The following MEGF11 variants were observed in gnomAD, a reference collection of about 807,000 sequenced individuals.
MEGF11 encodes multiple epidermal growth factor-like domains protein 11.
A neutral mutation model predicts 146.6 loss-of-function variants in MEGF11; 126 were observed. That is an observed-to-expected ratio of 0.86 (90% confidence interval 0.74 to 1.00). MEGF11 has a LOEUF of 1.00. Among genes scored for constraint, MEGF11 ranks in the 50% least tolerant of loss-of-function variants. The pLI, the probability that MEGF11 is intolerant of heterozygous loss-of-function variation, is 0.00. For missense variants in MEGF11, 1,509 were observed against 1,521.2 expected, an observed-to-expected ratio of 0.99 and a Z score of 0.13; for synonymous variants, 532 against 583.4, an observed-to-expected ratio of 0.91 and a Z score of 1.27.
intron 5 of MEGF11, among the ~76,000 whole-genome samples, chr15:66,060,351 C>T (rs887867311): frequency 3.9e-5 from 6 of 152,320 alleles, no homozygotes; most frequent in Non-Finnish European, 2.9e-5. Context: ...AACTCCTTTC[C>T]ATGCCCTTGA....
At chr15:65,928,165 C>T (rs994188727) in intron 13 of MEGF11, among the ~76,000 whole-genome samples, 8 of 152,182 alleles carry the variant, frequency 5.3e-5, no homozygotes, top group African/African-American at 1.9e-4. Flanking sequence ...AGATTGAGCA[C>T]TTACACCAAC....
intron 1 of MEGF11, among the ~76,000 whole-genome samples, chr15:66,223,347 G>A (rs891541276): frequency 2.6e-5 from 4 of 152,054 alleles, no homozygotes; most frequent in African/African-American, 9.7e-5. Context: ...AGGGGAAATG[G>A]GGAGTGACTG....
chr15:65,992,991 C>T (rs1372263125), intron 5 of MEGF11, among the ~76,000 whole-genome samples: 1 of 152,092 alleles, frequency 6.6e-6, no homozygotes, highest in African/African-American at 2.4e-5. Context: ...GTATTGACAC[C>T]CAGAGAGCCA....
intron 20 of MEGF11, chr15:65,912,401 C>G (rs1002644954): frequency 5.7e-5 from 21 of 367,538 alleles, no homozygotes; most frequent in Non-Finnish European, 1.0e-4. Flanking sequence ...TTACGCTGGT[C>G]CTCCCTGCAG....
intron 5 of MEGF11, among the ~76,000 whole-genome samples, chr15:66,066,651 G>C (rs546992919): frequency 6.6e-6 from 1 of 152,168 alleles, no homozygotes; most frequent in African/African-American, 2.4e-5. Flanking sequence ...CCACGGCTGC[G>C]AGTCCCTGCC....
In MEGF11 at chr15:65,902,619, CT is replaced by C. The variant is rs2078522271; in HGVS notation, c.3055+3465del. ...TCCTCATCCTTTCATAGCCCCACCC[CT>C]GTCCCAGTCCCAGCCCTTCAGGGCA... On this transcript the variant is annotated intron_variant, in intron 24 of 25. Transcript: ENST00000395614. 1.3e-5 allele frequency: 2 copies of C among 152,252 alleles called. 1 individual carries two copies. The allele number at this position is 152,252 out of a possible 1,614,324, so 9.4% of individuals were successfully genotyped here.
chr15:66,239,539 C>T (rs538562788), intron 1 of MEGF11, among the ~76,000 whole-genome samples: 106 of 152,314 alleles, frequency 7.0e-4, no homozygotes, highest in African/African-American at 2.4e-3. Context: ...TGCTTGGCCC[C>T]ACCTGCCTCC....
intron 4 of MEGF11, among the ~76,000 whole-genome samples, chr15:66,100,788 G>A (rs954356638): frequency 2.9e-5 from 4 of 139,162 alleles, no homozygotes; most frequent in African/African-American, 7.9e-5. Flanking sequence ...TCCTTCTTTC[G>A]TGGTACCAAC....
Position 65,928,602 on chromosome 15 carries a change from C to T in MEGF11, c.1573-75G>A, listed in dbSNP as rs140824751. 888 of 1,056,878 alleles carry T rather than the reference C, an allele frequency of 8.4e-4. 12 individuals carry two copies. The African/African-American group carries it at 0.013, about 16-fold the overall frequency. 65.5% of individuals were successfully genotyped at this position (1,056,878 alleles called of 1,614,324 possible). A position where few individuals can be genotyped will look rare whatever the true frequency, so the allele number is the denominator to read the frequency against. Reference sequence around the variant, plus strand: ...GTTTGTGTACTTCTATGGATCTTTTCTTTAATTTTTACTTTTGGAGGGTCC... The same window carrying T: ...GTTTGTGTACTTCTATGGATCTTTTTTTTAATTTTTACTTTTGGAGGGTCC... On this transcript the variant is annotated intron_variant, in intron 12 of 25. Transcript: ENST00000395614.
intron 1 of MEGF11, among the ~76,000 whole-genome samples, chr15:66,217,234 C>T (rs1027083490): frequency 4.6e-5 from 7 of 152,174 alleles, no homozygotes; most frequent in East Asian, 1.9e-4. Flanking sequence ...CCAGCTGGTC[C>T]GACTCTCTCC....
At chr15:65,929,544 G>T (rs889028708) in intron 12 of MEGF11, among the ~76,000 whole-genome samples, 176 bp downstream of exon 12, 2 of 152,188 alleles carry the variant, frequency 1.3e-5, no homozygotes, top group African/African-American at 2.4e-5. Context: ...GGGGATGAGG[G>T]CCAAAGTAGT....
chr15:66,215,243 T>C (rs1187080159), intron 1 of MEGF11, among the ~76,000 whole-genome samples: 2 of 152,104 alleles, frequency 1.3e-5, no homozygotes, highest in East Asian at 1.9e-4. Flanking sequence ...TATCTTCGCA[T>C]TGGTCTCTTA....
intron 23 of MEGF11, 61 bp from the exon 24 acceptor site, chr15:65,906,202 G>T: frequency 7.8e-7 from 1 of 1,279,010 alleles, no homozygotes; most frequent in Non-Finnish European, 1.1e-6. Flanking sequence ...TAGACTGCTT[G>T]TGTTCTTCTT....
intron 5 of MEGF11, among the ~76,000 whole-genome samples, chr15:66,039,820 CCGGG>C (rs2083887731): frequency 1.9e-5 from 1 of 51,388 alleles, no homozygotes; most frequent in East Asian, 1.7e-3. Context: ...CGGTCCTGAG[CCGGG>C]TCAGGCGGCG....
At chr15:65,939,492 C>CTT (rs869271515) in intron 10 of MEGF11, among the ~76,000 whole-genome samples, 30 of 135,008 alleles carry the variant, frequency 2.2e-4, no homozygotes, top group Admixed American at 5.3e-4. Context: ...CAGCTCCCAA[C>CTT]TTTTTTTTTT....
intron 1 of MEGF11, among the ~76,000 whole-genome samples, chr15:66,162,813 G>A (rs61629746): frequency 0.053 from 8,066 of 151,058 alleles, 738 homozygotes; most frequent in African/African-American, 0.19. Context: ...AACAGGAAAG[G>A]AAAAGTAAGA....
At chr15:65,997,062 G>A (rs1290352460) in intron 5 of MEGF11, among the ~76,000 whole-genome samples, 1 of 152,222 alleles carries the variant, frequency 6.6e-6, no homozygotes, top group Non-Finnish European at 1.5e-5. Context: ...TGTTATTTGT[G>A]TCATGGTCCA....
At chr15:66,209,238 C>T (rs748229634) in intron 1 of MEGF11, among the ~76,000 whole-genome samples, 3 of 151,912 alleles carry the variant, frequency 2.0e-5, no homozygotes, top group Non-Finnish European at 4.4e-5. Context: ...CAGTCCCAGC[C>T]ACTTGGGAGG....
intron 5 of MEGF11, among the ~76,000 whole-genome samples, chr15:66,043,104 T>C (rs952337461): frequency 6.6e-6 from 1 of 152,166 alleles, no homozygotes; most frequent in Non-Finnish European, 1.5e-5. Context: ...TTTCTTATGG[T>C]AAATATTATC....
Sources: allele counts gnomAD v4.1 joint callset (sites outside exome capture counted in the v4.1 genomes callset), GRCh38; gene constraint gnomAD v4.1.1; transcripts MANE v1.5; gene names NCBI Gene and HGNC (gene_info 2026-07-23, HGNC 2026-07-21).